MARCHF4: variants seen among roughly 807,000 people sequenced by gnomAD.
MARCHF4 encodes the protein membrane associated ring-CH-type finger 4, also known as E3 ubiquitin-protein ligase MARCHF4.
MARCHF4 carries 14 observed loss-of-function variants against 43.9 expected under a neutral mutation model. The ratio of observed to expected loss-of-function variants is 0.32; its 90% CI spans 0.21 to 0.50. The LOEUF (loss-of-function observed/expected upper bound fraction) is 0.50. MARCHF4 is among the 20% of genes least tolerant of loss of function. The pLI is 0.98. For missense variants in MARCHF4, 468 were observed against 536.7 expected (o/e 0.87, Z 1.27); for synonymous variants, 226 against 213.3 (o/e 1.06, Z -0.52).
At chr2:216,325,701 C>A (rs1283610921) in intron 1 of MARCHF4, among the ~76,000 whole-genome samples, 2 of 151,438 alleles carry the variant, frequency 1.3e-5, no homozygotes, top group East Asian at 3.9e-4. Flanking sequence ...GAAAAACAAG[C>A]AATGGGGAAA....
At chr2:216,351,960 C>T (rs1382926686) in intron 1 of MARCHF4, among the ~76,000 whole-genome samples, 1 of 152,126 alleles carries the variant, frequency 6.6e-6, no homozygotes, top group Non-Finnish European at 1.5e-5. Context: ...TGAGCAAATG[C>T]AGAATAATGG....
chr2:216,259,803 G>T, intron 3 of MARCHF4, 124 bp from the exon 4 acceptor site: 1 of 958,482 alleles, frequency 1.0e-6, no homozygotes, highest in Non-Finnish European at 1.5e-6. Flanking sequence ...AGCCATGGGA[G>T]GACCATCCCT....
chr2:216,280,890 T>A (rs941571613), intron 2 of MARCHF4, among the ~76,000 whole-genome samples: 4 of 151,992 alleles, frequency 2.6e-5, no homozygotes, highest in African/African-American at 7.3e-5. Flanking sequence ...ATAATTGCAA[T>A]TCACATGTAA....
intron 1 of MARCHF4, among the ~76,000 whole-genome samples, chr2:216,331,750 T>C (rs956294420): frequency 2.0e-5 from 3 of 152,096 alleles, no homozygotes; most frequent in Non-Finnish European, 1.5e-5. Flanking sequence ...TCTAAATAAA[T>C]GAGAAAAAGG....
chr2:216,268,135 G>A (rs1354876943), intron 3 of MARCHF4, among the ~76,000 whole-genome samples: 1 of 152,176 alleles, frequency 6.6e-6, no homozygotes, highest in Non-Finnish European at 1.5e-5. Flanking sequence ...ATGCCCCACG[G>A]TCACAAGTGT....
intron 1 of MARCHF4, among the ~76,000 whole-genome samples, chr2:216,285,293 G>A (rs1013691353): frequency 3.9e-5 from 6 of 152,152 alleles, no homozygotes; most frequent in Admixed American, 1.3e-4. Flanking sequence ...CTGTATTTGC[G>A]CAATAAATGA....
rs1471147094 is a variant in MARCHF4 at position 216,326,417 on chromosome 2, T to A, written c.517-42688A>T. On this transcript the variant is annotated intron_variant, in intron 1 of 3. Transcript: ENST00000273067. ...AGTCAGTGTGGCCATTCCTCAGGGA[T>A]CTAGAACTAGAAATACCATTTGACC... Among the ~76,000 whole-genome samples, 8 of 148,614 alleles carry A rather than the reference T, an allele frequency of 5.4e-5. No homozygotes were observed. In the East Asian group the frequency reaches 1.6e-3, roughly 30 times the overall value.
intron 1 of MARCHF4, among the ~76,000 whole-genome samples, chr2:216,367,389 T>C (rs1355909350): frequency 6.6e-6 from 1 of 151,774 alleles, no homozygotes; most frequent in African/African-American, 2.4e-5. Context: ...TCTATCTCTC[T>C]CTTCCTTTTC....
chr2:216,331,932 G>A (rs1458071765), intron 1 of MARCHF4, among the ~76,000 whole-genome samples: 1 of 151,944 alleles, frequency 6.6e-6, no homozygotes, highest in East Asian at 1.9e-4. Flanking sequence ...CACACATCAC[G>A]ATTTCTATTC....
chr2:216,368,799 C>A (rs1692706978), intron 1 of MARCHF4, among the ~76,000 whole-genome samples: 1 of 152,194 alleles, frequency 6.6e-6, no homozygotes, highest in African/African-American at 2.4e-5. Flanking sequence ...ATCTGTGATT[C>A]TTTGGAGAGT....
At chr2:216,271,957 ATT>A (rs57629851) in intron 3 of MARCHF4, among the ~76,000 whole-genome samples, 36,270 of 100,670 alleles carry the variant, frequency 0.36, 6,459 homozygotes, top group Middle Eastern at 0.53. Context: ...CACCTGGCTA[ATT>A]TTTTTTTTTT....
At chr2:216,300,346 A>ATATG in intron 1 of MARCHF4, among the ~76,000 whole-genome samples, 1 of 142,456 alleles carries the variant, frequency 7.0e-6, no homozygotes, top group East Asian at 2.1e-4. Flanking sequence ...CGATATATAT[A>ATATG]TATGTATATA....
intron 1 of MARCHF4, among the ~76,000 whole-genome samples, chr2:216,340,572 A>G (rs1045911189): frequency 5.9e-5 from 9 of 152,148 alleles, no homozygotes; most frequent in African/African-American, 2.2e-4. Flanking sequence ...GTAGCCCCCC[A>G]GGGCTGCCAC....
intron 1 of MARCHF4, among the ~76,000 whole-genome samples, chr2:216,365,688 G>T (rs183064795): frequency 9.9e-5 from 15 of 152,148 alleles, no homozygotes; most frequent in Non-Finnish European, 1.8e-4. Context: ...CAAATTCCCC[G>T]ACTTGTCTTT....
At chr2:216,287,005 A>G (rs1691228185) in intron 1 of MARCHF4, among the ~76,000 whole-genome samples, 1 of 152,244 alleles carries the variant, frequency 6.6e-6, no homozygotes, top group East Asian at 1.9e-4. Flanking sequence ...ACTCAAGGTC[A>G]CACGGGCGTC....
chr2:216,334,904 A>G (rs531998126), intron 1 of MARCHF4, among the ~76,000 whole-genome samples: 1 of 152,378 alleles, frequency 6.6e-6, no homozygotes, highest in Admixed American at 6.5e-5. Context: ...GATTTACAAC[A>G]ACACTGAAAG....
chr2:216,342,375 C>A (rs1295551685), intron 1 of MARCHF4, among the ~76,000 whole-genome samples: 3 of 152,164 alleles, frequency 2.0e-5, no homozygotes, highest in African/African-American at 7.2e-5. Context: ...CAAGAGAAGG[C>A]AGCTGGTTGA....
intron 1 of MARCHF4, among the ~76,000 whole-genome samples, chr2:216,337,118 C>A (rs537653063): frequency 5.3e-5 from 8 of 150,406 alleles, no homozygotes; most frequent in African/African-American, 2.0e-4. Flanking sequence ...TGCCACTGCA[C>A]TCCAGCCTGG....
intron 1 of MARCHF4, among the ~76,000 whole-genome samples, chr2:216,345,914 T>C (rs1199466780): frequency 2.0e-5 from 3 of 151,862 alleles, no homozygotes; most frequent in African/African-American, 7.3e-5. Context: ...GTCTCCGAGA[T>C]CACACCTCCT....
Sources: allele counts gnomAD v4.1 joint callset (sites outside exome capture counted in the v4.1 genomes callset), GRCh38; gene constraint gnomAD v4.1.1; transcripts MANE v1.5; gene names NCBI Gene and HGNC (gene_info 2026-07-23, HGNC 2026-07-21).